RNASEH2B: variants seen among roughly 807,000 people sequenced by gnomAD.
RNASEH2B encodes Aicardi-Goutieres syndrome 2 protein.
Under a neutral mutation model 45.0 loss-of-function variants are expected in RNASEH2B, and 36 were observed. The observed-to-expected ratio is 0.80, with a 90% confidence interval of 0.61 to 1.06. The LOEUF (loss-of-function observed/expected upper bound fraction) is 1.06, where lower values mean the gene tolerates loss of function less well. Ranked by LOEUF, RNASEH2B falls within the 50% of genes least tolerant of loss-of-function variation. The pLI is 0.00. For synonymous variants in RNASEH2B, 119 were observed against 125.7 expected (o/e 0.95, Z 0.35); for missense variants, 361 against 360.3 (o/e 1.00, Z -0.02).
rs535633086 is a variant in RNASEH2B at position 50,925,524 on chromosome 13, A to G, written c.65-1883A>G. ...GGATACTTTTAGGTCTTGCTTTTATAATTAGTTTGGTAGGACCAGTCCAGC... is the reference window on the plus strand; with the variant it reads ...GGATACTTTTAGGTCTTGCTTTTATGATTAGTTTGGTAGGACCAGTCCAGC... On this transcript the variant is annotated intron_variant, in intron 1 of 10. Transcript: ENST00000336617. Among the ~76,000 whole-genome samples, 15 of 152,272 alleles carry G rather than the reference A, an allele frequency of 9.9e-5. No homozygotes were observed. In the South Asian group the frequency reaches 3.1e-3, roughly 32 times the overall value.
intron 1 of RNASEH2B, among the ~76,000 whole-genome samples, chr13:50,919,552 A>G (rs890281764): frequency 6.6e-6 from 1 of 152,112 alleles, no homozygotes. Flanking sequence ...GTTTTTGAGG[A>G]TGAGGAGGAC....
At chr13:50,947,091 G>C (rs1443900797) in intron 7 of RNASEH2B, among the ~76,000 whole-genome samples, 1 of 152,098 alleles carries the variant, frequency 6.6e-6, no homozygotes, top group Non-Finnish European at 1.5e-5. Flanking sequence ...GAGGAGAATG[G>C]AAAAAAGGAA....
chr13:50,943,565 C>T (rs1365427898), intron 6 of RNASEH2B, among the ~76,000 whole-genome samples, 171 bp downstream of exon 6: 1 of 152,206 alleles, frequency 6.6e-6, no homozygotes. Context: ...TTTTAATCCT[C>T]CCTAACTTCT....
chr13:50,957,992 C>T (rs1042144580), downstream of RNASEH2B, among the ~76,000 whole-genome samples: 1 of 152,094 alleles, frequency 6.6e-6, no homozygotes, highest in African/African-American at 2.4e-5. Flanking sequence ...CTTATAGATT[C>T]TGGATGTTAG....
chr13:50,931,948 C>T (rs1357111260), intron 4 of RNASEH2B, among the ~76,000 whole-genome samples: 3 of 105,392 alleles, frequency 2.8e-5, no homozygotes, highest in African/African-American at 1.1e-4. Context: ...GTTGACACAT[C>T]TCATTTTACA....
At chr13:50,960,680 T>C (rs1171966732), downstream of RNASEH2B, among the ~76,000 whole-genome samples, 6 of 152,316 alleles carry the variant, frequency 3.9e-5, no homozygotes, top group African/African-American at 1.4e-4. Flanking sequence ...ATCCTATCTT[T>C]CTTAACCTTT....
chr13:50,960,629 C>T (rs1952102507), downstream of RNASEH2B, among the ~76,000 whole-genome samples: 1 of 152,194 alleles, frequency 6.6e-6, no homozygotes, highest in Admixed American at 6.5e-5. Context: ...CTAATAAACT[C>T]ACCCTGGCAG....
In RNASEH2B at chr13:50,948,011, G is replaced by A. The variant is rs977521667; in HGVS notation, c.641G>A (p.Gly214Asp). ...GAGGATTATATTCGTTATGCCCATG[G>A]TCTGATATCTGACTACATCCCTAAA... is the stretch of plus-strand genomic sequence containing the variant. ...KEEDYIRYAHGLISDYIPKEL... is the reference protein window; with the variant it reads ...KEEDYIRYAHDLISDYIPKEL... Residue 214 changes from glycine (G) to aspartate (D), a missense_variant, in exon 8 of 11, where the codon GGT becomes GAT. Gly to Asp is a moderately conservative substitution (Grantham distance 94). Transcript: ENST00000336617. 4.3e-6 allele frequency: 7 copies of A among 1,610,890 alleles called. No individual in the cohort carries two copies. Among genetic ancestry groups the A allele is most frequent in the Non-Finnish European group, 4.2e-6 (5 of 1,179,188 alleles).
At chr13:50,954,096 A>T (rs1167246543) in intron 10 of RNASEH2B, 111 bp downstream of exon 10, 2 of 740,224 alleles carry the variant, frequency 2.7e-6, no homozygotes, top group Non-Finnish European at 2.5e-6. Flanking sequence ...GACCAGGAAG[A>T]ATTATTAACT....
chr13:50,956,915 T>TTG (rs1485068154), downstream of RNASEH2B: 3 of 253,920 alleles, frequency 1.2e-5, no homozygotes, highest in Admixed American at 1.8e-4. Context: ...TTTTTTTTTT[T>TTG]TTTGACACGG....
At chr13:50,923,582 T>C (rs115962679) in intron 1 of RNASEH2B, among the ~76,000 whole-genome samples, 75 of 152,274 alleles carry the variant, frequency 4.9e-4, no homozygotes, top group African/African-American at 1.8e-3. Context: ...CTGTTAAAAT[T>C]ACCTTTCAAA....
chr13:50,948,264 A>G, intron 8 of RNASEH2B, 196 bp downstream of exon 8: 3 of 796,646 alleles, frequency 3.8e-6, no homozygotes, highest in Non-Finnish European at 5.5e-6. Context: ...TACGGATTGC[A>G]GGAACTAGTG....
chr13:50,959,949 T>TA (rs1178771553), downstream of RNASEH2B: 1 of 325,456 alleles, frequency 3.1e-6, no homozygotes, highest in Non-Finnish European at 5.5e-6. Context: ...ATGCATAACT[T>TA]ACTTTGGGAA....
chr13:50,917,993 G>C (rs1879839332), intron 1 of RNASEH2B, among the ~76,000 whole-genome samples: 1 of 152,108 alleles, frequency 6.6e-6, no homozygotes, highest in South Asian at 2.1e-4. Flanking sequence ...CTCTGAGTTG[G>C]CTGTGAACCT....
chr13:50,917,069 A>T (rs1440039949), intron 1 of RNASEH2B, among the ~76,000 whole-genome samples: 2 of 152,190 alleles, frequency 1.3e-5, no homozygotes, highest in Admixed American at 1.3e-4. Context: ...TTCCAGTTTG[A>T]AACCTTTCAA....
downstream of RNASEH2B, chr13:50,960,054 G>A (rs564509337): frequency 2.2e-5 from 10 of 446,868 alleles, no homozygotes; most frequent in African/African-American, 1.6e-4. Context: ...ACTAATGTTC[G>A]GTTCTTCATC....
At chr13:50,946,211 G>C (rs1951899231) in intron 7 of RNASEH2B, among the ~76,000 whole-genome samples, 1 of 152,006 alleles carries the variant, frequency 6.6e-6, no homozygotes, top group South Asian at 2.1e-4. Flanking sequence ...ATGTATAGTT[G>C]AATAAGAACA....
intron 1 of RNASEH2B, among the ~76,000 whole-genome samples, chr13:50,917,197 C>T (rs1879794372): frequency 6.6e-6 from 1 of 152,150 alleles, no homozygotes; most frequent in East Asian, 1.9e-4. Flanking sequence ...ACAAAGTGGG[C>T]ACTTGAGGCT....
intron 4 of RNASEH2B, among the ~76,000 whole-genome samples, chr13:50,932,056 A>G (rs2137942669): frequency 6.6e-6 from 1 of 152,324 alleles, no homozygotes; most frequent in African/African-American, 2.4e-5. Context: ...ATAGTGGCAG[A>G]TAGAAATTTT....
Sources: allele counts gnomAD v4.1 joint callset (sites outside exome capture counted in the v4.1 genomes callset), GRCh38; gene constraint gnomAD v4.1.1; transcripts MANE v1.5; gene names NCBI Gene and HGNC (gene_info 2026-07-23, HGNC 2026-07-21).